Variants in VAV2 observed in about 807,000 individuals in gnomAD.
VAV2 encodes the protein vav guanine nucleotide exchange factor 2.
A neutral mutation model predicts 132.5 loss-of-function variants in VAV2; 67 were observed. The ratio of observed to expected loss-of-function variants is 0.51; its 90% CI spans 0.42 to 0.62. The LOEUF is 0.62. Among genes scored for constraint, VAV2 ranks in the 20% least tolerant of loss-of-function variants. The probability of loss-of-function intolerance (pLI) is 0.00; values close to 1 mark genes in which losing one functional copy is unlikely to be tolerated. For synonymous variants in VAV2, 492 were observed against 443.5 expected, an observed-to-expected ratio of 1.11 and a Z score of -1.37; for missense variants, 938 against 1,153.6, an observed-to-expected ratio of 0.81 and a Z score of 2.71.
rs1385052877 is a variant in VAV2 at position 133,823,547 on chromosome 9, G to A, written c.449+10725C>T. ...CTACGCTGAATACAAGGGAAATAAC[G>A]TCAAAAGGGAGAAGTCTTCCTCTTC... is the stretch of plus-strand genomic sequence containing the variant. On this transcript the variant is annotated intron_variant, in intron 4 of 29. Transcript: ENST00000371850. This position sits in a 1 kb window ranked among gnomAD's most constrained non-coding sequence, Gnocchi z 5.5. Among the ~76,000 whole-genome samples, 1 of 152,162 alleles carries A rather than the reference G, an allele frequency of 6.6e-6. No individual in the cohort carries two copies. Among genetic ancestry groups the A allele is most frequent in the East Asian group, 1.9e-4 (1 of 5,184 alleles).
intron 4 of VAV2, among the ~76,000 whole-genome samples, chr9:133,814,345 T>C (rs1374974366): frequency 1.3e-5 from 2 of 152,202 alleles, no homozygotes; most frequent in Non-Finnish European, 2.9e-5. Context: ...TGCAGGCAAG[T>C]GACTGCAGGG....
chr9:133,800,384 G>A lies in VAV2; in HGVS notation c.837-2575C>T, dbSNP rs980784098. Among the ~76,000 whole-genome samples the A allele has an allele frequency of 2.6e-4, 39 of 152,228 alleles. 1 individual carries two copies. The highest frequency in any genetic ancestry group is 6.8e-4 in the African/African-American group (28 of 41,462). On this transcript the variant is annotated intron_variant, in intron 9 of 29. Transcript: ENST00000371850. ...CAAGACCGCCTGGAGGCGGGAGGAC[G>A]AGTCTGGGCTGGGGAGAAGGAAAGA... is the stretch of plus-strand genomic sequence containing the variant.
In VAV2 at chr9:133,935,540, G is replaced by C. The variant is rs951886819; in HGVS notation, c.321+3563C>G. Among the ~76,000 whole-genome samples the C allele has an allele frequency of 4.6e-5, 7 of 152,192 alleles. No homozygotes were observed. Among genetic ancestry groups the C allele is most frequent in the Non-Finnish European group, 1.0e-4 (7 of 68,022 alleles). ...CCCAGCAAGAGGTCCCCAGGAGTCT[G>C]AGCACCTGGGCAGACCAGGCCGCAG... is the stretch of plus-strand genomic sequence containing the variant. On this transcript the variant is annotated intron_variant, in intron 2 of 29. Transcript: ENST00000371850. This position sits in a 1 kb window ranked among gnomAD's most constrained non-coding sequence, Gnocchi z 5.2.
At chr9:133,764,152 G>A in intron 29 of VAV2, 43 bp from the exon 30 acceptor site, 3 of 1,611,358 alleles carry the variant, frequency 1.9e-6, no homozygotes, top group Non-Finnish European at 8.5e-7. Flanking sequence ...GTGTGTGTGT[G>A]TGTAAGCAGG....
chr9:133,892,096 G>A (rs1247214352), intron 2 of VAV2, among the ~76,000 whole-genome samples: 1 of 125,302 alleles, frequency 8.0e-6, no homozygotes, highest in Non-Finnish European at 1.7e-5. Context: ...GGGAAGGAGA[G>A]GGATGGGGGC....
intron 2 of VAV2, among the ~76,000 whole-genome samples, chr9:133,862,699 C>G (rs1371090016): frequency 6.6e-6 from 1 of 152,222 alleles, no homozygotes; most frequent in African/African-American, 2.4e-5. Context: ...AGAGGGCGCT[C>G]TGTGTGCCGG....
intron 2 of VAV2, among the ~76,000 whole-genome samples, chr9:133,874,479 C>T (rs528680734): frequency 2.5e-4 from 38 of 152,318 alleles, no homozygotes; most frequent in African/African-American, 8.2e-4. Flanking sequence ...CCTCTTTAAT[C>T]AGAGGCAAGG....
rs745475435 is a variant in VAV2, at chr9:133,789,260, G to T, written c.1272C>A (p.Asp424Glu). The change falls in exon 14 of 30, where the codon GAC (aspartate) becomes GAA (glutamate). Residue 424 changes from aspartate to glutamate, a missense_variant and splice_region_variant. By Grantham distance (45) the Asp-to-Glu change is conservative (BLOSUM62 2). Transcript: ENST00000371850. ...CCCACAACACGCGCCCTGCTCACCT[G>T]TCCTGCTTGGTGTGGTTGACTATGG... ...VRSIVNHTKQ[D>E]RYLFLFDKVV... The T allele has an allele frequency of 6.2e-7, 1 of 1,614,094 alleles. No individual in the cohort carries two copies. Among genetic ancestry groups the T allele is most frequent in the South Asian group, 1.1e-5 (1 of 91,078 alleles).
At chr9:133,941,607 TTGGGG>T (rs900703276) in intron 1 of VAV2, among the ~76,000 whole-genome samples, 109 of 9,394 alleles carry the variant, frequency 0.012, 1 homozygote, top group Middle Eastern at 0.033. Flanking sequence ...CCACTTTTTT[TTGGGG>T]GGGGGGGGGG....
intron 1 of VAV2, among the ~76,000 whole-genome samples, chr9:133,984,968 C>T (rs1351287682): frequency 6.6e-6 from 1 of 151,546 alleles, no homozygotes; most frequent in Non-Finnish European, 1.5e-5. Context: ...CTACCTATTT[C>T]TTTTTGCTTT....
intron 3 of VAV2, among the ~76,000 whole-genome samples, chr9:133,859,137 A>T (rs1387623745): frequency 1.3e-5 from 2 of 152,184 alleles, no homozygotes; most frequent in African/African-American, 4.8e-5. Flanking sequence ...CCGGGCCTCA[A>T]AGGGCCTCCC....
At chr9:133,875,884 G>A (rs1174031610) in intron 2 of VAV2, among the ~76,000 whole-genome samples, 1 of 152,252 alleles carries the variant, frequency 6.6e-6, no homozygotes, top group Non-Finnish European at 1.5e-5. Flanking sequence ...GTCGGCAGCC[G>A]AGTATAGCAG....
At chr9:133,945,307 G>A (rs1265747118) in intron 1 of VAV2, among the ~76,000 whole-genome samples, 1 of 152,336 alleles carries the variant, frequency 6.6e-6, no homozygotes, top group Admixed American at 6.5e-5. Flanking sequence ...GAGGCACTGA[G>A]TGTAGGAGCC....
intron 2 of VAV2, among the ~76,000 whole-genome samples, chr9:133,922,954 A>G (rs888693058): frequency 6.6e-6 from 1 of 152,216 alleles, no homozygotes; most frequent in Non-Finnish European, 1.5e-5. Context: ...CATGTCTCTC[A>G]TAAGGGGTTA....
chr9:133,806,292 GC>G, intron 8 of VAV2, 111 bp from the exon 9 acceptor site: 1 of 1,027,078 alleles, frequency 9.7e-7, no homozygotes, highest in Middle Eastern at 2.9e-4. Context: ...GAGGGGAGGG[GC>G]CCGGGTGCTG....
intron 2 of VAV2, among the ~76,000 whole-genome samples, chr9:133,929,699 G>A (rs963262290): frequency 1.3e-5 from 2 of 152,082 alleles, no homozygotes; most frequent in Non-Finnish European, 2.9e-5. Context: ...ACAGCTGCCC[G>A]TCCATCATCT....
rs2067177048 is a variant in VAV2, at chr9:133,991,140, A to G, written c.204+935T>C. On this transcript the variant is annotated intron_variant, in intron 1 of 29. Coordinates refer to ENST00000371850, the MANE Select transcript of VAV2 (RefSeq NM_001134398.2). The surrounding 1 kb of genome is among the most constrained non-coding windows in gnomAD (Gnocchi z 4.8). Reference sequence around the variant, plus strand: ...GTGAGGGGCTGCTGAGCTGGCTGGAAGACCGCACCTCCTCGGCGCTGGGTG... The same window carrying G: ...GTGAGGGGCTGCTGAGCTGGCTGGAGGACCGCACCTCCTCGGCGCTGGGTG... Among the ~76,000 whole-genome samples the G allele has an allele frequency of 4.6e-5, 7 of 152,172 alleles. No homozygotes were observed. Among genetic ancestry groups the G allele is most frequent in the Admixed American group, 4.6e-4 (7 of 15,292 alleles).
At chr9:133,850,633 T>A (rs568808450) in intron 3 of VAV2, among the ~76,000 whole-genome samples, 1 of 152,202 alleles carries the variant, frequency 6.6e-6, no homozygotes, top group Non-Finnish European at 1.5e-5. Flanking sequence ...CTGGTATGAA[T>A]GTGCCAGGCT....
chr9:133,832,801 C>G (rs527916784), intron 4 of VAV2, among the ~76,000 whole-genome samples: 1 of 152,084 alleles, frequency 6.6e-6, no homozygotes, highest in African/African-American at 2.4e-5. Context: ...TCAGGTGATC[C>G]GCCCGCCTCA....
Sources: allele counts gnomAD v4.1 joint callset (sites outside exome capture counted in the v4.1 genomes callset), GRCh38; gene constraint gnomAD v4.1.1; non-coding constraint Gnocchi (gnomAD v3.1); transcripts MANE v1.5; gene names NCBI Gene and HGNC (gene_info 2026-07-23, HGNC 2026-07-21).